Variants in F11 observed in about 807,000 individuals in gnomAD.
F11 encodes the protein coagulation factor XI.
A neutral mutation model predicts 76.5 loss-of-function variants in F11; 78 were observed. That is an observed-to-expected ratio of 1.02 (90% CI 0.85 to 1.23). The LOEUF is 1.23. Among genes scored for constraint, F11 ranks in the 50% most tolerant of loss-of-function variants. The pLI, the probability that F11 is intolerant of heterozygous loss-of-function variation, is 0.00. For missense variants in F11, 742 were observed against 771.4 expected, an observed-to-expected ratio of 0.96 and a Z score of 0.45; for synonymous variants, 278 against 276.3, an observed-to-expected ratio of 1.01 and a Z score of -0.06.
In F11 at chr4:186,275,777, T is replaced by A. The variant is rs370991682; in HGVS notation, c.486-10T>A. The A allele has an allele frequency of 6.9e-5, 111 of 1,597,770 alleles. 1 individual carries two copies. Among genetic ancestry groups the A allele is most frequent in the Middle Eastern group, 6.6e-4 (4 of 6,034 alleles). ...AGAATAAGACACTTTTCCTTTTTCT[T>A]TTTATTCAGTAACATTTGTCTACTG... On this transcript the variant is annotated splice_polypyrimidine_tract_variant and intron_variant, in intron 5 of 14. Coordinates refer to ENST00000403665, the MANE Select transcript of F11 (RefSeq NM_000128.4).
At chr4:186,271,794 C>A in intron 3 of F11, 23 bp downstream of exon 3, 1 of 1,613,428 alleles carries the variant, frequency 6.2e-7, no homozygotes, top group South Asian at 1.1e-5. Context: ...GTTTCTACAT[C>A]GAGGAGACAG....
At chr4:186,281,531 T>C (rs1352247120) in intron 10 of F11, among the ~76,000 whole-genome samples, 1 of 152,204 alleles carries the variant, frequency 6.6e-6, no homozygotes, top group Non-Finnish European at 1.5e-5. Context: ...TTTCTGAGCA[T>C]AGTCACGAGA....
chr4:186,274,528 T>C (rs922294819), intron 5 of F11: 14 of 509,304 alleles, frequency 2.7e-5, no homozygotes, highest in Non-Finnish European at 4.2e-5. Context: ...TCAAAAGCGC[T>C]ACACTTTTAA....
Position 186,287,705 on chromosome 4 carries a change from A to G in F11, c.1598A>G (p.Gln533Arg). 1 of 1,613,194 alleles carries G rather than the reference A, an allele frequency of 6.2e-7. No homozygotes were observed. Among genetic ancestry groups the G allele is most frequent in the Non-Finnish European group, 8.5e-7 (1 of 1,179,480 alleles). ...TCAGACAAAATACAAAATACTCTCC[A>G]GAAAGCCAAGATACCCTTAGTGACC... The part of the protein sequence containing the change: ...KLRDKIQNTL[Q>R]KAKIPLVTNE... Residue 533 changes from glutamine (Q) to arginine (R), a missense_variant, in exon 14 of 15, where the codon CAG (glutamine) becomes CGG (arginine). Coordinates refer to ENST00000403665, the MANE Select transcript of F11 (RefSeq NM_000128.4).
At chr4:186,287,331 C>T (rs1292163453) in intron 13 of F11, among the ~76,000 whole-genome samples, 1 of 151,622 alleles carries the variant, frequency 6.6e-6, no homozygotes, top group African/African-American at 2.4e-5. Context: ...CGCCTGTAAT[C>T]CCAGCACTTT....
intron 13 of F11, chr4:186,286,803 C>T: frequency 1.3e-6 from 1 of 755,586 alleles, no homozygotes; most frequent in Non-Finnish European, 1.6e-6. Context: ...CAATTACTTT[C>T]TTGGGAAGTC....
At position 186,271,789 on chromosome 4, in the gene F11, T is replaced by C. The variant is rs765301008; in HGVS notation, c.218+18T>C. 103 of 1,613,796 alleles carry C rather than the reference T, an allele frequency of 6.4e-5. No individual in the cohort carries two copies. Among genetic ancestry groups the C allele is most frequent in the Non-Finnish European group, 8.1e-5 (96 of 1,179,758 alleles). Reference sequence around the variant, plus strand: ...ACCCGATGGTAAATGCTTATGTTTCTACATCGAGGAGACAGATTTTTAAAG... The same window carrying C: ...ACCCGATGGTAAATGCTTATGTTTCCACATCGAGGAGACAGATTTTTAAAG... On this transcript the variant is annotated intron_variant, in intron 3 of 14. Transcript: ENST00000403665.
rs888091460 is a variant in F11 at position 186,274,253 on chromosome 4, C to A, written c.463C>A (p.Gln155Lys). ...HCHFFTYATR[Q>K]FPSLEHRNIC... is the part of the protein sequence containing the mutation. ...CCACTTTTTCACGTACGCCACAAGG[C>A]AGTTTCCCAGCCTGGAGCATCGGTG... is the stretch of plus-strand genomic sequence containing the variant. The change falls in exon 5 of 15, where the codon CAG becomes AAG. Residue 155 changes from glutamine (Q) to lysine (K), a missense_variant. Physicochemically the swap from Gln to Lys is moderately conservative, Grantham distance 53 (BLOSUM62 1). Coordinates refer to ENST00000403665, the MANE Select transcript of F11 (RefSeq NM_000128.4). The A allele has an allele frequency of 1.9e-6, 3 of 1,614,100 alleles. No individual in the cohort carries two copies. In the African/African-American group the frequency reaches 4.0e-5, roughly 22 times the overall value.
At chr4:186,269,085 T>C (rs1739721078) in intron 2 of F11, among the ~76,000 whole-genome samples, 2 of 152,172 alleles carry the variant, frequency 1.3e-5, no homozygotes, top group African/African-American at 4.8e-5. Context: ...TATGAACATA[T>C]GTACAAATGT....
At chr4:186,276,026 T>C in intron 6 of F11, 130 bp downstream of exon 6, 3 of 949,518 alleles carry the variant, frequency 3.2e-6, no homozygotes, top group East Asian at 2.6e-5. Flanking sequence ...CTTCATGTGA[T>C]AGATTTCATC....
intron 12 of F11, 41 bp from the exon 13 acceptor site, chr4:186,286,373 TA>T: frequency 6.8e-7 from 1 of 1,466,962 alleles, no homozygotes; most frequent in East Asian, 2.3e-5. Context: ...AAAGAGGATA[TA>T]TTTTGCGTCT....
chr4:186,283,716 C>G (rs56033998), intron 10 of F11, among the ~76,000 whole-genome samples: 14 of 152,194 alleles, frequency 9.2e-5, no homozygotes, highest in Non-Finnish European at 1.8e-4. Flanking sequence ...TTCTCATTCA[C>G]TGGATCTGAG....
chr4:186,287,043 G>A lies in F11; in HGVS notation c.1576+533G>A, dbSNP rs577863472. The stretch of plus-strand genomic sequence containing the variant: ...GGCTGGAGTGCAGTGGCACGATCTC[G>A]GCTCACTGTTACCTCCACCTCCCGG... On this transcript the variant is annotated intron_variant, in intron 13 of 14. Coordinates refer to ENST00000403665, the MANE Select transcript of F11 (RefSeq NM_000128.4). Among the ~76,000 whole-genome samples the A allele has an allele frequency of 6.6e-5, 10 of 151,924 alleles. No individual in the cohort carries two copies. In the East Asian group the frequency reaches 9.8e-4, roughly 15 times the overall value.
Position 186,276,313 on chromosome 4 carries a change from T to C in F11, c.678T>C (p.Cys226=), listed in dbSNP as rs1245150770. 1.9e-6 allele frequency: 3 copies of C among 1,614,152 alleles called. No individual in the cohort carries two copies. The highest frequency in any genetic ancestry group is 2.2e-5 in the South Asian group (2 of 91,084). ...TCATGGCTCCCGATGCTTTTGTCTGTGGCCGAATCTGCACTCATCATCCCG... is the reference window on the plus strand; with the variant it reads ...TCATGGCTCCCGATGCTTTTGTCTGCGGCCGAATCTGCACTCATCATCCCG... ...DSVMAPDAFV[C]GRICTHHPGC... The change falls in exon 7 of 15, where the codon TGT becomes TGC. Residue 226 remains cysteine, a synonymous_variant. Transcript: ENST00000403665.
intron 5 of F11, chr4:186,275,311 T>A: frequency 2.7e-6 from 1 of 373,026 alleles, no homozygotes; most frequent in South Asian, 2.0e-5. Flanking sequence ...ACCAATATGG[T>A]GAAACCCCGT....
At position 186,280,454 on chromosome 4, in the gene F11, C is replaced by T. The variant is rs763157281; in HGVS notation, c.1029-20C>T. ...CCTGTGAGGTGCATTATGTTTATAC[C>T]GTTTTGTTTCCAACTGCAGGGGCAA... is the stretch of plus-strand genomic sequence containing the variant. On this transcript the variant is annotated intron_variant, in intron 9 of 14. Transcript: ENST00000403665. The T allele has an allele frequency of 2.8e-5, 45 of 1,614,024 alleles. No homozygotes were observed. The highest frequency in any genetic ancestry group is 1.6e-4 in the Middle Eastern group (1 of 6,062).
chr4:186,282,136 T>C, intron 10 of F11: 1 of 1,151,390 alleles, frequency 8.7e-7, no homozygotes. Context: ...TGTTAAGTAA[T>C]GTTGACATGG....
chr4:186,269,684 G>C (rs183170344), intron 2 of F11, among the ~76,000 whole-genome samples: 1 of 152,156 alleles, frequency 6.6e-6, no homozygotes. Flanking sequence ...TGGTGCTGAT[G>C]GTTGCACAGC....
At chr4:186,287,574 A>G in intron 13 of F11, 110 bp from the exon 14 acceptor site, 2 of 382,244 alleles carry the variant, frequency 5.2e-6, no homozygotes, top group Admixed American at 5.3e-5. Context: ...ACAGAAAGAG[A>G]CTCCGTCTCA....
Sources: gnomAD v4.1 joint callset for allele counts (sites outside exome capture counted in the v4.1 genomes callset) on GRCh38, gnomAD v4.1.1 for gene constraint, MANE v1.5 for transcripts, NCBI Gene and HGNC (gene_info 2026-07-23, HGNC 2026-07-21) for gene names.